MRPL48: variants seen among roughly 807,000 people sequenced by gnomAD.
The protein encoded by MRPL48 is mitochondrial ribosomal protein L48.
In MRPL48, 16 loss-of-function variants were observed where a neutral mutation model predicts 32.9. The observed-to-expected ratio is 0.49, with a 90% CI of 0.33 to 0.74. The LOEUF (loss-of-function observed/expected upper bound fraction) is 0.74. MRPL48 is among the 30% of genes least tolerant of loss of function. The probability of loss-of-function intolerance (pLI) is 0.02; values close to 1 mark genes in which losing one functional copy is unlikely to be tolerated. For synonymous variants in MRPL48, 94 were observed against 89.2 expected (o/e 1.05, Z -0.31); for missense variants, 206 against 245.3 (o/e 0.84, Z 1.07).
At chr11:73,835,006 A>T (rs548393340) in intron 4 of MRPL48, among the ~76,000 whole-genome samples, 2 of 148,484 alleles carry the variant, frequency 1.3e-5, no homozygotes, top group Admixed American at 1.3e-4. Context: ...TAATTTTTAA[A>T]TTTTTTTGTG....
At chr11:73,804,806 G>C (rs1268447815) in intron 1 of MRPL48, among the ~76,000 whole-genome samples, 1 of 152,206 alleles carries the variant, frequency 6.6e-6, no homozygotes, top group Admixed American at 6.5e-5. Context: ...GTGGGAGGGG[G>C]ACTTCTGTTT....
chr11:73,844,924 G>A lies in MRPL48; in HGVS notation c.319G>A (p.Ala107Thr), dbSNP rs752594403. 4 of 1,613,708 alleles carry A rather than the reference G, an allele frequency of 2.5e-6. No homozygotes were observed. The highest frequency in any genetic ancestry group is 1.7e-6 in the Non-Finnish European group (2 of 1,179,762). ...AYDMTLAESY[A>T]QYVHNLCNSL... is the part of the protein sequence containing the mutation. ...TGATATGACCCTGGCAGAGAGTTATGCCCAGTATGTTCACAACCTCTGCAA... is the reference window on the plus strand; with the variant it reads ...TGATATGACCCTGGCAGAGAGTTATACCCAGTATGTTCACAACCTCTGCAA... The change falls in exon 5 of 8, where the codon GCC becomes ACC. Residue 107 changes from alanine (A) to threonine (T), a missense_variant. Coordinates refer to ENST00000310614, the MANE Select transcript of MRPL48 (RefSeq NM_016055.6).
intron 5 of MRPL48, among the ~76,000 whole-genome samples, chr11:73,855,005 C>T (rs1216978697): frequency 6.6e-6 from 1 of 152,036 alleles, no homozygotes; most frequent in African/African-American, 2.4e-5. Flanking sequence ...AAAGCACCTA[C>T]CTTAAAAGGC....
intron 3 of MRPL48, among the ~76,000 whole-genome samples, chr11:73,815,014 A>G: frequency 6.6e-6 from 1 of 152,002 alleles, no homozygotes; most frequent in East Asian, 1.9e-4. Flanking sequence ...AAATAAATAA[A>G]TAAATAAAAC....
chr11:73,830,948 T>G (rs531013387), intron 4 of MRPL48, among the ~76,000 whole-genome samples: 2 of 152,146 alleles, frequency 1.3e-5, no homozygotes, highest in South Asian at 4.1e-4. Context: ...CAAGCAATTG[T>G]CCTGCCTCAG....
At chr11:73,845,639 A>T (rs1327090597) in intron 5 of MRPL48, among the ~76,000 whole-genome samples, 2 of 152,242 alleles carry the variant, frequency 1.3e-5, no homozygotes, top group Admixed American at 1.3e-4. Flanking sequence ...GCATGATGGC[A>T]TGTGCCTGTA....
chr11:73,817,216 G>C (rs1947694109), intron 3 of MRPL48, among the ~76,000 whole-genome samples: 1 of 152,142 alleles, frequency 6.6e-6, no homozygotes, highest in Non-Finnish European at 1.5e-5. Flanking sequence ...ATTTTGAAAA[G>C]ATATGTGGGG....
At chr11:73,851,515 G>A (rs1948389431) in intron 5 of MRPL48, among the ~76,000 whole-genome samples, 1 of 152,144 alleles carries the variant, frequency 6.6e-6, no homozygotes, top group Non-Finnish European at 1.5e-5. Context: ...TTCTAAAAAT[G>A]TGCTTTATCT....
At chr11:73,809,310 C>T (rs1947525303) in intron 3 of MRPL48, among the ~76,000 whole-genome samples, 1 of 151,906 alleles carries the variant, frequency 6.6e-6, no homozygotes, top group African/African-American at 2.4e-5. Context: ...CAAGACAATC[C>T]TGGCTAACCC....
At chr11:73,823,225 C>T (rs1199323375) in intron 3 of MRPL48, among the ~76,000 whole-genome samples, 1 of 152,108 alleles carries the variant, frequency 6.6e-6, no homozygotes, top group Non-Finnish European at 1.5e-5. Context: ...TCCCTAGTGC[C>T]AAAAAGGTTG....
At chr11:73,860,671 C>T (rs867741934) in intron 6 of MRPL48, among the ~76,000 whole-genome samples, 3 of 152,172 alleles carry the variant, frequency 2.0e-5, no homozygotes, top group Non-Finnish European at 4.4e-5. Flanking sequence ...TTCACAGCTT[C>T]CCAGCTTTAA....
At position 73,860,172 on chromosome 11, in the gene MRPL48, C is replaced by T. The variant is rs185824457; in HGVS notation, c.474+163C>T. 3.8e-3 allele frequency: 2,146 copies of T among 567,762 alleles called. 12 individuals carry two copies. Among genetic ancestry groups the T allele is most frequent in the Non-Finnish European group, 5.0e-3 (1,616 of 323,040 alleles). The allele number at this position is 567,762 out of a possible 1,614,324, so 35.2% of individuals were successfully genotyped here. On this transcript the variant is annotated intron_variant, in intron 6 of 7. Transcript: ENST00000310614. ...ATCTCTCCTTTTATAATACCTTCCC[C>T]CTATGCAGTCTCATTCATTCCTTAG...
chr11:73,821,614 C>A (rs1339811798), intron 3 of MRPL48, among the ~76,000 whole-genome samples: 1 of 152,196 alleles, frequency 6.6e-6, no homozygotes, highest in Admixed American at 6.5e-5. Context: ...GAACCCTTTC[C>A]TGGCACTCAA....
At chr11:73,860,050 TG>T in intron 6 of MRPL48, 41 bp downstream of exon 6, 1 of 1,526,476 alleles carries the variant, frequency 6.6e-7, no homozygotes, top group South Asian at 1.2e-5. Flanking sequence ...TTGCTTCTCC[TG>T]GTTCTTTTCT....
intron 5 of MRPL48, 179 bp downstream of exon 5, chr11:73,845,155 C>T: frequency 1.8e-6 from 1 of 547,332 alleles, no homozygotes. Flanking sequence ...CTTTGGTGCC[C>T]TGGTGTAGTC....
intron 1 of MRPL48, chr11:73,789,415 C>T (rs1307512401): frequency 6.6e-6 from 1 of 152,186 alleles, no homozygotes; most frequent in African/African-American, 2.4e-5. Flanking sequence ...TAAGGCCTCT[C>T]GACGTCTGAT....
intron 4 of MRPL48, among the ~76,000 whole-genome samples, chr11:73,841,474 G>T (rs1948184295): frequency 6.6e-6 from 1 of 152,212 alleles, no homozygotes; most frequent in South Asian, 2.1e-4. Context: ...GGAAAGAATT[G>T]CCATTCCACA....
rs776006126 is a variant in MRPL48 at position 73,864,433 on chromosome 11, G to A, written c.*63G>A. ...GAGTGCCAAAGAGAAGAGCTTACTG[G>A]GTAGTTAGAGTTCATCAGGAGACCC... On this transcript the variant is annotated 3_prime_UTR_variant, in exon 8 of 8. Transcript: ENST00000310614. The A allele has an allele frequency of 3.9e-6, 6 of 1,539,090 alleles. No homozygotes were observed. Among genetic ancestry groups the A allele is most frequent in the Non-Finnish European group, 5.4e-6 (6 of 1,119,820 alleles).
chr11:73,817,333 T>C (rs1050698381), intron 3 of MRPL48, among the ~76,000 whole-genome samples: 8 of 152,176 alleles, frequency 5.3e-5, no homozygotes, highest in Non-Finnish European at 5.9e-5. Flanking sequence ...GCAATATTTG[T>C]GCCATTGTCT....
Sources: allele counts gnomAD v4.1 joint callset (sites outside exome capture counted in the v4.1 genomes callset), GRCh38; gene constraint gnomAD v4.1.1; transcripts MANE v1.5; gene names NCBI Gene and HGNC (gene_info 2026-07-23, HGNC 2026-07-21).